The following FAT4 variants were observed in gnomAD, a reference collection of about 807,000 sequenced individuals.
The protein encoded by FAT4 is FAT atypical cadherin 4.
In FAT4, 84 loss-of-function variants were observed where a neutral mutation model predicts 303.9. The ratio of observed to expected loss-of-function variants is 0.28; its 90% CI spans 0.23 to 0.33. FAT4 has a LOEUF of 0.33. FAT4 is among the 10% of genes least tolerant of loss of function. FAT4 has a pLI of 1.00. For synonymous variants in FAT4, 2,307 were observed against 2,298.8 expected, an observed-to-expected ratio of 1.00 and a Z score of -0.10; for missense variants, 6,005 against 6,146.8, an observed-to-expected ratio of 0.98 and a Z score of 0.77.
In FAT4 at chr4:125,451,101, A is replaced by G. The variant is rs1311240292; in HGVS notation, c.10091A>G (p.Asp3364Gly). ...CAGATTTATGTTTCTGGAATTCTTG[A>G]TCGAGAAAAAGAAGAAAGGGTGTCT... ...TGQIYVSGIL[D>G]REKEERVSLK... Residue 3364 changes from aspartate (D) to glycine (G), a missense_variant, in exon 10 of 18, where the codon GAT becomes GGT. Coordinates refer to ENST00000394329, the MANE Select transcript of FAT4 (RefSeq NM_001291303.3). 6.2e-7 allele frequency: 1 copy of G among 1,614,160 alleles called. No homozygotes were observed. Among genetic ancestry groups the G allele is most frequent in the South Asian group, 1.1e-5 (1 of 91,080 alleles).
rs1206206633 is a variant in FAT4, at chr4:125,320,591, G to T, written c.4180G>T (p.Asp1394Tyr). The change falls in exon 2 of 18, where the codon GAC becomes TAC. Residue 1394 changes from aspartate to tyrosine, a missense_variant. By Grantham distance (160) the Asp-to-Tyr change is radical. Transcript: ENST00000394329. ...SLYKLNITAK[D>Y]QGRPPRSSTM... ...GTATAAATTAAATATAACAGCAAAA[G>T]ACCAAGGAAGACCTCCTCGTTCATC... 6.2e-7 allele frequency: 1 copy of T among 1,613,968 alleles called. No homozygotes were observed. Among genetic ancestry groups the T allele is most frequent in the Non-Finnish European group, 8.5e-7 (1 of 1,179,970 alleles).
chr4:125,487,399 G>T lies in FAT4; in HGVS notation c.12877G>T (p.Glu4293Ter), dbSNP rs148483308. 6.2e-7 allele frequency: 1 copy of T among 1,613,836 alleles called. No individual in the cohort carries two copies. Among genetic ancestry groups the T allele is most frequent in the African/African-American group, 1.3e-5 (1 of 74,916 alleles). The change falls in exon 17 of 18, where the codon GAG (glutamate) becomes TAG (stop). Residue 4293 changes from glutamate to a stop codon, truncating the protein, a stop_gained. Transcript: ENST00000394329. LOFTEE classifies it high-confidence loss of function. ...CGATGCAGGAATTGCTGGGAAAGTG[G>T]AGAGAAATATTCCTGAAGTATATGT... ...TSDAGIAGKV[E>*]RNIPEVYVAD...
intron 2 of FAT4, among the ~76,000 whole-genome samples, chr4:125,350,062 A>G (rs1289293300): frequency 2.0e-5 from 3 of 151,710 alleles, no homozygotes; most frequent in African/African-American, 7.3e-5. Context: ...GCACTTCATA[A>G]AAATGTACCT....
At position 125,491,579 on chromosome 4, in the gene FAT4, G is replaced by T. The variant is rs759266412; in HGVS notation, c.14763G>T (p.Met4921Ile). The T allele has an allele frequency of 1.1e-5, 18 of 1,614,088 alleles. No homozygotes were observed. In the South Asian group the frequency reaches 2.0e-4, roughly 18 times the overall value. Reference sequence around the variant, plus strand: ...GCACTGCTGACAACACACTGCCCATGAAGCTAGGGCAGCAAGCAGGGACTT... The same window carrying T: ...GCACTGCTGACAACACACTGCCCATTAAGCTAGGGCAGCAAGCAGGGACTT... ...APGTADNTLP[M>I]KLGQQAGTFN... Residue 4921 changes from methionine (M) to isoleucine (I), a missense_variant, in exon 18 of 18, where the codon ATG becomes ATT. Transcript: ENST00000394329.
chr4:125,465,587 A>G (rs1726633359), intron 11 of FAT4, among the ~76,000 whole-genome samples: 1 of 152,200 alleles, frequency 6.6e-6, no homozygotes, highest in Non-Finnish European at 1.5e-5. Context: ...CACAATAAAA[A>G]CAAGTTGCTG....
rs1234155184 is a variant in FAT4, at chr4:125,317,753, C to T, written c.1342C>T (p.Pro448Ser). 3.1e-6 allele frequency: 5 copies of T among 1,614,166 alleles called. No homozygotes were observed. Among genetic ancestry groups the T allele is most frequent in the South Asian group, 1.1e-5 (1 of 91,084 alleles). Residue 448 changes from proline to serine, a missense_variant, in exon 2 of 18, where the codon CCT becomes TCT. Coordinates refer to ENST00000394329, the MANE Select transcript of FAT4 (RefSeq NM_001291303.3). The surrounding 1 kb of genome is among the most constrained non-coding windows in gnomAD (Gnocchi z 7.0). ...CGTCTCTGATAACTACGGGGCGCCC[C>T]CTGGCGCAGCAGTCCAGGCGCGCTC... ...VSVSDNYGAP[P>S]GAAVQARSSV... is the part of the protein sequence containing the mutation.
At chr4:125,381,470 A>G (rs1733539692) in intron 2 of FAT4, among the ~76,000 whole-genome samples, 1 of 151,842 alleles carries the variant, frequency 6.6e-6, no homozygotes, top group African/African-American at 2.4e-5. Context: ...TGTTTATTCT[A>G]TACTGTAGTC....
At chr4:125,482,043 T>C (rs1578694755) in intron 16 of FAT4, among the ~76,000 whole-genome samples, 1 of 152,224 alleles carries the variant, frequency 6.6e-6, no homozygotes, top group Non-Finnish European at 1.5e-5. Flanking sequence ...ATATCACTTC[T>C]TTTCTTACTT....
rs201015765 is a variant in FAT4 at position 125,450,215 on chromosome 4, C to T, written c.9205C>T (p.Pro3069Ser). Residue 3069 changes from proline to serine, a missense_variant, in exon 10 of 18, where the codon CCT (proline) becomes TCT (serine). Coordinates refer to ENST00000394329, the MANE Select transcript of FAT4 (RefSeq NM_001291303.3). ...AGTCACTGCAAAGGATAAGGGAAAC[C>T]CTCCACTTTCTTCCCAAGCAACTGT... The part of the protein sequence containing the change: ...ITVTAKDKGN[P>S]PLSSQATVHI... 1.2e-6 allele frequency: 2 copies of T among 1,613,740 alleles called. No homozygotes were observed. Among genetic ancestry groups the T allele is most frequent in the African/African-American group, 2.7e-5 (2 of 74,866 alleles).
Position 125,415,117 on chromosome 4 carries a change from C to A in FAT4, c.6154C>A (p.Leu2052Ile). The change falls in exon 6 of 18, where the codon CTT becomes ATT. Residue 2052 changes from leucine to isoleucine, a missense_variant. Leu to Ile is a conservative substitution (Grantham distance 5, BLOSUM62 2). Transcript: ENST00000394329. ...TGTAAATGATAACCCACCGACATTT[C>A]TTTCCCCTAAATTGACATACATTCC... ...LDVNDNPPTF[L>I]SPKLTYIPEN... 1.9e-6 allele frequency: 3 copies of A among 1,614,068 alleles called. No homozygotes were observed. Among genetic ancestry groups the A allele is most frequent in the South Asian group, 2.2e-5 (2 of 91,084 alleles).
chr4:125,423,198 G>A (rs1724967327), intron 7 of FAT4, among the ~76,000 whole-genome samples: 1 of 152,190 alleles, frequency 6.6e-6, no homozygotes, highest in African/African-American at 2.4e-5. Flanking sequence ...GAGTAACCAA[G>A]AGCTGAATGA....
chr4:125,429,431 A>T (rs1199172324), intron 7 of FAT4, among the ~76,000 whole-genome samples: 1 of 152,220 alleles, frequency 6.6e-6, no homozygotes, highest in Non-Finnish European at 1.5e-5. Flanking sequence ...AATAATATAG[A>T]GCAAAACATC....
chr4:125,373,927 G>C (rs903041307), intron 2 of FAT4, among the ~76,000 whole-genome samples: 2 of 138,138 alleles, frequency 1.4e-5, no homozygotes, highest in African/African-American at 7.0e-5. Flanking sequence ...AAATAATAAG[G>C]ACTATGTATA....
At position 125,320,320 on chromosome 4, in the gene FAT4, T is replaced by C; in HGVS notation, c.3909T>C (p.Ile1303=). ...IPLNSTCTLN[I]DILDENDNTP... is the part of the protein sequence containing the mutation. Reference sequence around the variant, plus strand: ...TCAATTCAACGTGTACTTTAAATATTGATATTTTAGATGAAAATGACAATA... The same window carrying C: ...TCAATTCAACGTGTACTTTAAATATCGATATTTTAGATGAAAATGACAATA... Residue 1303 remains isoleucine (I), a synonymous_variant, in exon 2 of 18, where the codon ATT becomes ATC. Transcript: ENST00000394329. The C allele has an allele frequency of 6.2e-7, 1 of 1,613,406 alleles. No individual in the cohort carries two copies. Among genetic ancestry groups the C allele is most frequent in the East Asian group, 2.2e-5 (1 of 44,858 alleles).
intron 2 of FAT4, among the ~76,000 whole-genome samples, chr4:125,354,834 C>T (rs929103132): frequency 1.3e-5 from 2 of 150,932 alleles, no homozygotes; most frequent in African/African-American, 4.9e-5. Context: ...TGATCAGAGT[C>T]CTGGATCAAA....
Position 125,434,373 on chromosome 4 carries a change from G to A in FAT4, c.7147G>A (p.Val2383Ile), listed in dbSNP as rs143943210. The A allele has an allele frequency of 5.8e-5, 94 of 1,613,890 alleles. No individual in the cohort carries two copies. The highest frequency in any genetic ancestry group is 7.2e-5 in the Non-Finnish European group (85 of 1,179,958). ...IPEDAPTGTD[V>I]LLVNASDADA... ...TGAGGATGCACCAACTGGAACAGATGTTTTATTGGTAAATGCCTCAGATGC... is the reference window on the plus strand; with the variant it reads ...TGAGGATGCACCAACTGGAACAGATATTTTATTGGTAAATGCCTCAGATGC... Residue 2383 changes from valine (V) to isoleucine (I), a missense_variant, in exon 8 of 18, where the codon GTT (valine) becomes ATT (isoleucine). Physicochemically the swap from Val to Ile is conservative, Grantham distance 29. Coordinates refer to ENST00000394329, the MANE Select transcript of FAT4 (RefSeq NM_001291303.3).
rs10010000 is a variant in FAT4 at position 125,415,835 on chromosome 4, G to T, written c.6843+29G>T. ...AGTATATTTAAATAAAGCAAGTATT[G>T]TCTTAATTATAAGACATCTATTTGA... On this transcript the variant is annotated intron_variant, in intron 6 of 17. Transcript: ENST00000394329. 1 allele frequency: 1,525,480 copies of T among 1,527,508 alleles called. 761,751 individuals are homozygous for T. Among genetic ancestry groups the T allele is most frequent in the East Asian group, 1 (44,026 of 44,026 alleles). The allele number at this position is 1,527,508 out of a possible 1,614,324, so 94.6% of individuals were successfully genotyped here. A position where few individuals can be genotyped will look rare whatever the true frequency, so the allele number is the denominator to read the frequency against.
At chr4:125,368,021 T>C (rs1392931965) in intron 2 of FAT4, among the ~76,000 whole-genome samples, 1 of 152,140 alleles carries the variant, frequency 6.6e-6, no homozygotes, top group East Asian at 1.9e-4. Context: ...CGTTTAAGGT[T>C]TTATAAGACT....
intron 10 of FAT4, among the ~76,000 whole-genome samples, chr4:125,460,010 A>C (rs1726428272): frequency 6.6e-6 from 1 of 152,068 alleles, no homozygotes; most frequent in African/African-American, 2.4e-5. Context: ...ATTCTAAGTA[A>C]AATTATGGAA....
Sources: allele counts gnomAD v4.1 joint callset (sites outside exome capture counted in the v4.1 genomes callset), GRCh38; gene constraint gnomAD v4.1.1; non-coding constraint Gnocchi (gnomAD v3.1); transcripts MANE v1.5; gene names NCBI Gene and HGNC (gene_info 2026-07-23, HGNC 2026-07-21).